DENND6B: variants seen among roughly 807,000 people sequenced by gnomAD.
The protein encoded by DENND6B is protein DENND6B.
In DENND6B, 73 loss-of-function variants were observed where a neutral mutation model predicts 85.1. That is an observed-to-expected ratio of 0.86 (90% confidence interval 0.71 to 1.04). The LOEUF is 1.04. Ranked by LOEUF, DENND6B falls within the 50% of genes least tolerant of loss-of-function variation. The probability of loss-of-function intolerance (pLI) is 0.00; values close to 1 mark genes in which losing one functional copy is unlikely to be tolerated. For synonymous variants in DENND6B, 357 were observed against 329.3 expected, an observed-to-expected ratio of 1.08 and a Z score of -0.91; for missense variants, 715 against 785.8, an observed-to-expected ratio of 0.91 and a Z score of 1.08.
chr22:50,315,041 C>G (rs2041759133), intron 9 of DENND6B, 120 bp from the exon 10 acceptor site: 1 of 1,393,188 alleles, frequency 7.2e-7, no homozygotes. Context: ...CACGCTGCTC[C>G]AGGGTGAAGA....
Position 50,312,377 on chromosome 22 carries a change from A to G in DENND6B, c.1601T>C (p.Val534Ala), listed in dbSNP as rs1340967789. 1 of 1,611,604 alleles carries G rather than the reference A, an allele frequency of 6.2e-7. No individual in the cohort carries two copies. The highest frequency in any genetic ancestry group is 8.5e-7 in the Non-Finnish European group (1 of 1,179,380). Residue 534 changes from valine (V) to alanine (A), a missense_variant, in exon 19 of 20, where the codon GTC becomes GCC. Val to Ala is a moderately conservative substitution (Grantham distance 64). Coordinates refer to ENST00000413817, the MANE Select transcript of DENND6B (RefSeq NM_001001794.4). ...TWMKDKSEVE[V>A]VDLVLKLREK... ...ACGAAGTTTCAGGACCAGGTCCACG[A>G]CCTCCACCTCGGACTTGTCTTTCAT...
intron 1 of DENND6B, 21 bp downstream of exon 1, chr22:50,326,791 C>A: frequency 7.3e-7 from 1 of 1,370,362 alleles, no homozygotes; most frequent in Admixed American, 3.7e-5. Context: ...CCCGCCCGCG[C>A]CCGCGCTCGC....
At chr22:50,322,579 T>A (rs187966578) in intron 1 of DENND6B, among the ~76,000 whole-genome samples, 113 of 152,258 alleles carry the variant, frequency 7.4e-4, no homozygotes, top group Non-Finnish European at 1.3e-3. Flanking sequence ...AGACAGAGTC[T>A]CACTCTGTCA....
At chr22:50,313,900 C>T (rs371726278) in intron 13 of DENND6B, 22 bp from the exon 14 acceptor site, 343 of 1,596,292 alleles carry the variant, frequency 2.1e-4, no homozygotes, top group Admixed American at 4.6e-4. Context: ...GCACAGCTGG[C>T]GCCCCACCCT....
intron 1 of DENND6B, chr22:50,319,316 C>T (rs1305995052): frequency 5.1e-6 from 5 of 985,286 alleles, no homozygotes; most frequent in Non-Finnish European, 6.0e-6. Flanking sequence ...GGCAACTCCC[C>T]TGCCGGCCAG....
At chr22:50,324,405 T>A (rs558478728) in intron 1 of DENND6B, among the ~76,000 whole-genome samples, 11 of 152,306 alleles carry the variant, frequency 7.2e-5, no homozygotes, top group African/African-American at 2.6e-4. Context: ...GCTGGGCTGG[T>A]GATAGCTGCT....
In DENND6B at chr22:50,313,635, C is replaced by A; in HGVS notation, c.1293G>T (p.Leu431=). 6.3e-7 allele frequency: 1 copy of A among 1,579,636 alleles called. No homozygotes were observed. ...LELTQSFIIP[L]EHYMASLMPL... is the part of the protein sequence containing the mutation. ...CATGTCCCCCAGCCCCGGGCCTCAC[C>A]AGGGGGATGATGAAGCTCTGGGTGA... The change falls in exon 15 of 20, where the codon CTG becomes CTT. Residue 431 remains leucine, a splice_region_variant and synonymous_variant. Transcript: ENST00000413817.
In DENND6B at chr22:50,314,913, C is replaced by A. The variant is rs202144405; in HGVS notation, c.767G>T (p.Arg256Leu). 6.2e-7 allele frequency: 1 copy of A among 1,609,778 alleles called. No individual in the cohort carries two copies. Among genetic ancestry groups the A allele is most frequent in the Non-Finnish European group, 8.5e-7 (1 of 1,177,764 alleles). ...TGTCTGCATATGAGTCAGCACAGGCCGGAAGCACCTGGGGCCGGGCAGGAA... is the reference window on the plus strand; with the variant it reads ...TGTCTGCATATGAGTCAGCACAGGCAGGAAGCACCTGGGGCCGGGCAGGAA... The part of the protein sequence containing the change: ...VHELDLFRCF[R>L]PVLTHMQTLW... The change falls in exon 10 of 20, where the codon CGG becomes CTG. Residue 256 changes from arginine (R) to leucine (L), a missense_variant. Coordinates refer to ENST00000413817, the MANE Select transcript of DENND6B (RefSeq NM_001001794.4).
chr22:50,323,020 C>CTTTTTTTTT (rs386395718), intron 1 of DENND6B, among the ~76,000 whole-genome samples: 2 of 39,020 alleles, frequency 5.1e-5, no homozygotes, highest in Non-Finnish European at 8.3e-5. Flanking sequence ...CCGGCTAATG[C>CTTTTTTTTT]TTTTTTTTTT....
Position 50,314,925 on chromosome 22 carries a change from G to A in DENND6B, c.759-4C>T. On this transcript the variant is annotated splice_polypyrimidine_tract_variant and splice_region_variant and intron_variant, in intron 9 of 19. Transcript: ENST00000413817. ...AGTCAGCACAGGCCGGAAGCACCTGGGGCCGGGCAGGAAGGTCGGGGAGGT... is the reference window on the plus strand; with the variant it reads ...AGTCAGCACAGGCCGGAAGCACCTGAGGCCGGGCAGGAAGGTCGGGGAGGT... 2 of 1,608,274 alleles carry A rather than the reference G, an allele frequency of 1.2e-6. No homozygotes were observed. Among genetic ancestry groups the A allele is most frequent in the Non-Finnish European group, 8.5e-7 (1 of 1,176,690 alleles).
In DENND6B at chr22:50,317,363, G is replaced by A. The variant is rs764078847; in HGVS notation, c.383C>T (p.Ala128Val). 1 of 1,612,972 alleles carries A rather than the reference G, an allele frequency of 6.2e-7. No homozygotes were observed. The highest frequency in any genetic ancestry group is 8.5e-7 in the Non-Finnish European group (1 of 1,179,710). ...RAPVALQREP[A>V]HYFGYVYFRQ... ...GAAGTACACGTAGCCGAAGTAGTGT[G>A]CCGGCTCCCTCTGCAAGGAGCATGG... Residue 128 changes from alanine to valine, a missense_variant, in exon 5 of 20, where the codon GCA becomes GTA. Ala to Val is a moderately conservative substitution (Grantham distance 64, BLOSUM62 0). Coordinates refer to ENST00000413817, the MANE Select transcript of DENND6B (RefSeq NM_001001794.4).
At chr22:50,315,011 C>T in intron 9 of DENND6B, 90 bp from the exon 10 acceptor site, 1 of 1,555,362 alleles carries the variant, frequency 6.4e-7, no homozygotes, top group Non-Finnish European at 8.7e-7. Flanking sequence ...CCAGGCTGGC[C>T]CAGGCACTGG....
chr22:50,319,564 T>C, intron 1 of DENND6B: 1 of 968,764 alleles, frequency 1.0e-6, no homozygotes, highest in Non-Finnish European at 1.2e-6. Flanking sequence ...GGGCTCCACC[T>C]GGCCGGCCCT....
rs766794580 is a variant in DENND6B, at chr22:50,312,995, G to A, written c.1457+4C>T. ...CAAGCTGCCTGCACCTGCAGTCCAC[G>A]CACCTGTAGAGACCCAGCCAGTCGC... On this transcript the variant is annotated splice_donor_region_variant and intron_variant, in intron 17 of 19. Coordinates refer to ENST00000413817, the MANE Select transcript of DENND6B (RefSeq NM_001001794.4). 12 of 1,553,338 alleles carry A rather than the reference G, an allele frequency of 7.7e-6. No individual in the cohort carries two copies. The highest frequency in any genetic ancestry group is 1.7e-4 in the Middle Eastern group (1 of 5,840).
chr22:50,313,104 G>T lies in DENND6B; in HGVS notation c.1352C>A (p.Pro451His). ...LQKSITPWKTPPQIQPFSQDD... is the reference protein window; with the variant it reads ...LQKSITPWKTHPQIQPFSQDD... ...CTGGCTGAAGGGCTGGATCTGGGGG[G>T]GAGTCTGAGAGGGGATGGGTGAGCC... Residue 451 changes from proline (P) to histidine (H), a missense_variant, in exon 17 of 20, where the codon CCC becomes CAC. By Grantham distance (77) the Pro-to-His change is moderately conservative (BLOSUM62 -2). Transcript: ENST00000413817. 6.4e-7 allele frequency: 1 copy of T among 1,553,928 alleles called. No homozygotes were observed. Among genetic ancestry groups the T allele is most frequent in the Non-Finnish European group, 8.7e-7 (1 of 1,149,112 alleles).
In DENND6B at chr22:50,312,110, GC is replaced by G; in HGVS notation, c.*28del. 2 of 1,609,518 alleles carry G rather than the reference GC, an allele frequency of 1.2e-6. No individual in the cohort carries two copies. Among genetic ancestry groups the G allele is most frequent in the Non-Finnish European group, 1.7e-6 (2 of 1,178,332 alleles). ...AGTGGGAGGCTCAGGCAGACCTAGGGCCCTGGGACCGTGGCCCTTGGCTTTG... is the reference window on the plus strand; with the variant it reads ...AGTGGGAGGCTCAGGCAGACCTAGGGCCTGGGACCGTGGCCCTTGGCTTTG... On this transcript the variant is annotated 3_prime_UTR_variant, in exon 20 of 20. Coordinates refer to ENST00000413817, the MANE Select transcript of DENND6B (RefSeq NM_001001794.4).
intron 7 of DENND6B, 23 bp downstream of exon 7, chr22:50,316,151 C>T (rs1380807826): frequency 6.2e-7 from 1 of 1,612,494 alleles, no homozygotes; most frequent in African/African-American, 1.3e-5. Context: ...GCAGAGCCTA[C>T]TCCCCAGCCA....
chr22:50,318,983 G>A lies in DENND6B; in HGVS notation c.198C>T (p.Phe66=). ...QALELVYPND[F]RLTDKEKSSI... is the part of the protein sequence containing the mutation. The stretch of plus-strand genomic sequence containing the variant: ...GACTCACCTCCTTGTCTGTGAGCCG[G>A]AAGTCGTTCGGATACACCAGCTGCA... Residue 66 remains phenylalanine (F), a synonymous_variant, in exon 2 of 20, where the codon TTC becomes TTT. Transcript: ENST00000413817. The A allele has an allele frequency of 6.2e-7, 1 of 1,603,588 alleles. No individual in the cohort carries two copies. The highest frequency in any genetic ancestry group is 8.5e-7 in the Non-Finnish European group (1 of 1,175,284).
At chr22:50,317,159 A>C in intron 5 of DENND6B, 134 bp downstream of exon 5, 1 of 843,674 alleles carries the variant, frequency 1.2e-6, no homozygotes, top group Non-Finnish European at 1.8e-6. Flanking sequence ...AGAGCTGGAC[A>C]CAGCCCAGGT....
Sources: gnomAD v4.1 joint callset for allele counts (sites outside exome capture counted in the v4.1 genomes callset) on GRCh38, gnomAD v4.1.1 for gene constraint, MANE v1.5 for transcripts, NCBI Gene and HGNC (gene_info 2026-07-23, HGNC 2026-07-21) for gene names.